ARHGEF26: variants seen among roughly 807,000 people sequenced by gnomAD.
ARHGEF26 encodes Rho guanine nucleotide exchange factor 26, also known as Rho guanine nucleotide exchange factor (GEF) 26.
Under a neutral mutation model 89.4 loss-of-function variants are expected in ARHGEF26, and 59 were observed. That is an observed-to-expected ratio of 0.66 (90% CI 0.54 to 0.82). The LOEUF is 0.82. ARHGEF26 is among the 40% of genes least tolerant of loss of function. ARHGEF26 has a pLI of 0.00. For synonymous variants in ARHGEF26, 500 were observed against 428.4 expected, an observed-to-expected ratio of 1.17 and a Z score of -2.06; for missense variants, 1,234 against 1,085.6, an observed-to-expected ratio of 1.14 and a Z score of -1.92.
At position 154,250,962 on chromosome 3, in the gene ARHGEF26, TAGAGAGAG is replaced by T. The variant is rs10535573; in HGVS notation, c.2301-2139_2301-2132del. Among the ~76,000 whole-genome samples, 455 of 149,386 alleles carry T rather than the reference TAGAGAGAG, an allele frequency of 3.0e-3. 4 individuals carry two copies. The highest frequency in any genetic ancestry group is 0.011 in the African/African-American group (437 of 40,538). On this transcript the variant is annotated intron_variant, in intron 12 of 14. Transcript: ENST00000465093. ...TATTGTAAAGCCCTTTGTCCTGTAT[TAGAGAGAG>T]AGAGAGAGAGAGAGGTTTTAAAAGC...
In ARHGEF26 at chr3:154,195,589, G is replaced by A. The variant is rs193078470; in HGVS notation, c.1845+871G>A. On this transcript the variant is annotated intron_variant, in intron 9 of 14. Coordinates refer to ENST00000465093, the MANE Select transcript of ARHGEF26 (RefSeq NM_015595.4). ...AGCACATTTCAGGACAGAAGTCAAG[G>A]AATATTGTCTGTGGCTTGGGCAGCG... Among the ~76,000 whole-genome samples the A allele has an allele frequency of 3.3e-5, 5 of 152,150 alleles. No homozygotes were observed. In the East Asian group the frequency reaches 9.7e-4, roughly 29 times the overall value.
chr3:154,205,336 TG>T (rs1192280419), intron 9 of ARHGEF26, among the ~76,000 whole-genome samples: 1 of 152,178 alleles, frequency 6.6e-6, no homozygotes, highest in Non-Finnish European at 1.5e-5. Flanking sequence ...TGTTTTTTTT[TG>T]TTTTGGTTTC....
At chr3:154,154,296 T>C (rs1720196032) in intron 6 of ARHGEF26, among the ~76,000 whole-genome samples, 1 of 152,034 alleles carries the variant, frequency 6.6e-6, no homozygotes, top group Non-Finnish European at 1.5e-5. Context: ...AGAGCTCTGG[T>C]GTCTTTTGAA....
chr3:154,236,015 G>A (rs1246962643), intron 11 of ARHGEF26, among the ~76,000 whole-genome samples: 3 of 152,018 alleles, frequency 2.0e-5, no homozygotes, highest in Non-Finnish European at 4.4e-5. Flanking sequence ...AGAAATTATG[G>A]GACAGAAACT....
intron 6 of ARHGEF26, among the ~76,000 whole-genome samples, chr3:154,169,396 C>A (rs1177454370): frequency 6.6e-6 from 1 of 152,036 alleles, no homozygotes; most frequent in South Asian, 2.1e-4. Flanking sequence ...TGTTTCCTGA[C>A]ACGCGTGTTT....
chr3:154,239,307 T>A (rs973839588), intron 11 of ARHGEF26, among the ~76,000 whole-genome samples: 1,321 of 31,836 alleles, frequency 0.041, 1 homozygote, highest in South Asian at 0.072. Context: ...AGAGTGTGTG[T>A]GTGTGTGTGT....
At chr3:154,205,963 A>G (rs1211157652) in intron 9 of ARHGEF26, among the ~76,000 whole-genome samples, 1 of 151,988 alleles carries the variant, frequency 6.6e-6, no homozygotes. Context: ...TTTTCTATGT[A>G]TTTACTATTA....
chr3:154,134,546 C>T (rs930631570), intron 4 of ARHGEF26, among the ~76,000 whole-genome samples: 2 of 152,002 alleles, frequency 1.3e-5, no homozygotes, highest in Non-Finnish European at 2.9e-5. Context: ...CACCTGGTCC[C>T]CCCAACAACA....
chr3:154,190,917 T>C (rs932845916), intron 7 of ARHGEF26, among the ~76,000 whole-genome samples: 5 of 152,204 alleles, frequency 3.3e-5, no homozygotes, highest in East Asian at 1.9e-4. Flanking sequence ...TAATGATATA[T>C]GTTTATAGAT....
chr3:154,182,489 G>C (rs557046354), intron 6 of ARHGEF26, among the ~76,000 whole-genome samples: 13 of 152,330 alleles, frequency 8.5e-5, no homozygotes, highest in Non-Finnish European at 1.8e-4. Flanking sequence ...TTTCTTGGAG[G>C]CTGAACCTGA....
intron 9 of ARHGEF26, among the ~76,000 whole-genome samples, chr3:154,215,678 G>A (rs749735732): frequency 1.3e-5 from 2 of 152,142 alleles, no homozygotes; most frequent in East Asian, 1.9e-4. Flanking sequence ...CTGGTTTCCC[G>A]GTTTGCAGAT....
At position 154,152,897 on chromosome 3, in the gene ARHGEF26, C is replaced by A; in HGVS notation, c.1452C>A (p.Phe484Leu). The stretch of plus-strand genomic sequence containing the variant: ...CTAAAACCGAGAGGCACCATCTTTT[C>A]TCCAATATTACAGATGTCTGTGAGG... ...TMTKTERHHL[F>L]SNITDVCEAS... The change falls in exon 6 of 15, where the codon TTC (phenylalanine) becomes TTA (leucine). Residue 484 changes from phenylalanine to leucine, a missense_variant. Transcript: ENST00000465093. 6.3e-7 allele frequency: 1 copy of A among 1,598,868 alleles called. No homozygotes were observed.
rs756339655 is a variant in ARHGEF26, at chr3:154,226,028, G to T, written c.2090+18G>T. 3 of 1,598,856 alleles carry T rather than the reference G, an allele frequency of 1.9e-6. No homozygotes were observed. The highest frequency in any genetic ancestry group is 2.3e-5 in the South Asian group (2 of 88,412). On this transcript the variant is annotated intron_variant, in intron 11 of 14. Transcript: ENST00000465093. ...AAGAAGAGGTAAGTCTTTATCTGGT[G>T]TTGCTGACTAGACATTCCAGTTTTA...
chr3:154,166,008 C>T (rs1416072780), intron 6 of ARHGEF26, among the ~76,000 whole-genome samples: 1 of 152,078 alleles, frequency 6.6e-6, no homozygotes, highest in Non-Finnish European at 1.5e-5. Context: ...AAAAATCTAG[C>T]TGTACATGTT....
intron 9 of ARHGEF26, among the ~76,000 whole-genome samples, chr3:154,203,687 G>A (rs1036760123): frequency 5.3e-5 from 8 of 152,044 alleles, no homozygotes; most frequent in African/African-American, 9.7e-5. Flanking sequence ...TTTTTAGCAC[G>A]AAGGGATGTT....
At chr3:154,124,233 G>A (rs753088651) in intron 2 of ARHGEF26, among the ~76,000 whole-genome samples, 177 bp from the exon 3 acceptor site, 13 of 152,104 alleles carry the variant, frequency 8.5e-5, no homozygotes, top group Non-Finnish European at 1.9e-4. Flanking sequence ...GAATTGTAGT[G>A]ATCAAATGAG....
At chr3:154,246,680 A>G (rs1294497774) in intron 12 of ARHGEF26, among the ~76,000 whole-genome samples, 1 of 152,160 alleles carries the variant, frequency 6.6e-6, no homozygotes, top group Non-Finnish European at 1.5e-5. Context: ...GGGGCAAACA[A>G]TAAGAACCCT....
At chr3:154,221,751 A>T (rs1185381973) in intron 10 of ARHGEF26, among the ~76,000 whole-genome samples, 1 of 152,234 alleles carries the variant, frequency 6.6e-6, no homozygotes, top group Non-Finnish European at 1.5e-5. Flanking sequence ...CAGATGAAAT[A>T]TTTGGACAGA....
At chr3:154,166,196 A>T (rs771588690) in intron 6 of ARHGEF26, among the ~76,000 whole-genome samples, 1 of 152,042 alleles carries the variant, frequency 6.6e-6, no homozygotes, top group Non-Finnish European at 1.5e-5. Flanking sequence ...GACTACAGGC[A>T]CATGCCACCA....
Sources: gnomAD v4.1 joint callset for allele counts (sites outside exome capture counted in the v4.1 genomes callset) on GRCh38, gnomAD v4.1.1 for gene constraint, MANE v1.5 for transcripts, NCBI Gene and HGNC (gene_info 2026-07-23, HGNC 2026-07-21) for gene names.